The following TPRG1 variants were observed in gnomAD, a reference collection of about 807,000 sequenced individuals.
TPRG1 encodes the protein tumor protein p63-regulated gene 1 protein.
TPRG1 carries 29 observed loss-of-function variants against 29.3 expected under a neutral mutation model. That is an observed-to-expected ratio of 0.99 (90% confidence interval 0.74 to 1.35). The LOEUF (loss-of-function observed/expected upper bound fraction) is 1.35, where lower values mean the gene tolerates loss of function less well. Ranked by LOEUF, TPRG1 falls within the 40% of genes most tolerant of loss-of-function variation. The pLI, the probability that TPRG1 is intolerant of heterozygous loss-of-function variation, is 0.00. For synonymous variants in TPRG1, 130 were observed against 116.8 expected (o/e 1.11, Z -0.73); for missense variants, 327 against 335.0 (o/e 0.98, Z 0.19).
intron 5 of TPRG1, among the ~76,000 whole-genome samples, chr3:189,153,169 C>T (rs1461213487): frequency 2.0e-5 from 3 of 152,166 alleles, no homozygotes; most frequent in Admixed American, 6.5e-5. Context: ...TTACAAATGT[C>T]GTCATCCCTA....
At chr3:189,037,751 C>T (rs1208256652) in intron 4 of TPRG1, among the ~76,000 whole-genome samples, 1 of 151,596 alleles carries the variant, frequency 6.6e-6, no homozygotes, top group African/African-American at 2.4e-5. Context: ...AAGAGTATTT[C>T]TGGATAAAAT....
At chr3:189,291,634 T>C (rs1719017691) in intron 4 of TPRG1, among the ~76,000 whole-genome samples, 2 of 152,244 alleles carry the variant, frequency 1.3e-5, no homozygotes, top group Non-Finnish European at 2.9e-5. Flanking sequence ...GAAGTAGTAT[T>C]GTTATGCTTT....
intron 1 of TPRG1, among the ~76,000 whole-genome samples, chr3:189,188,113 A>G (rs922239031): frequency 4.6e-5 from 7 of 152,232 alleles, no homozygotes; most frequent in Non-Finnish European, 1.0e-4. Flanking sequence ...AAAAGAAAAG[A>G]TAATTGAAAA....
chr3:189,226,366 A>T (rs537952347), intron 3 of TPRG1, among the ~76,000 whole-genome samples: 2 of 151,818 alleles, frequency 1.3e-5, no homozygotes, highest in Admixed American at 6.6e-5. Context: ...AATAAATAAT[A>T]AAAAAAATAG....
intron 4 of TPRG1, among the ~76,000 whole-genome samples, chr3:189,288,835 T>C (rs1718512221): frequency 6.6e-6 from 1 of 152,258 alleles, no homozygotes; most frequent in African/African-American, 2.4e-5. Flanking sequence ...AACCACTGAT[T>C]TGTGCCTAAT....
intron 4 of TPRG1, 158 bp downstream of exon 4, chr3:189,239,067 A>G (rs1017493140): frequency 3.5e-6 from 2 of 566,564 alleles, no homozygotes; most frequent in African/African-American, 3.8e-5. Context: ...TTCCTACTCT[A>G]TGTCAGCCTC....
chr3:189,284,931 T>A (rs1252345319), intron 4 of TPRG1, among the ~76,000 whole-genome samples: 1 of 152,050 alleles, frequency 6.6e-6, no homozygotes, highest in Non-Finnish European at 1.5e-5. Context: ...AAGCCAAAAT[T>A]GACAAATGGG....
chr3:189,053,858 C>T (rs907446643), intron 4 of TPRG1, among the ~76,000 whole-genome samples: 1 of 152,160 alleles, frequency 6.6e-6, no homozygotes, highest in African/African-American at 2.4e-5. Context: ...GATTAGGCTT[C>T]GGCTTAAGGG....
At chr3:189,134,347 T>C (rs1010772844) in intron 3 of TPRG1, among the ~76,000 whole-genome samples, 1 of 151,332 alleles carries the variant, frequency 6.6e-6, no homozygotes, top group African/African-American at 2.4e-5. Flanking sequence ...TTTCACAAAA[T>C]GAACCAATCT....
intron 1 of TPRG1, among the ~76,000 whole-genome samples, chr3:189,190,697 G>C (rs1394293549): frequency 6.6e-6 from 1 of 152,184 alleles, no homozygotes; most frequent in Non-Finnish European, 1.5e-5. Context: ...AAATTGTGTA[G>C]AGTAAGCAGG....
intron 1 of TPRG1, among the ~76,000 whole-genome samples, chr3:189,198,112 A>G (rs1732844788): frequency 6.6e-6 from 1 of 152,150 alleles, no homozygotes; most frequent in Non-Finnish European, 1.5e-5. Flanking sequence ...CAGATCTTCA[A>G]GGGATTGGGT....
intron 5 of TPRG1, among the ~76,000 whole-genome samples, chr3:189,311,684 G>C (rs1052489763): frequency 6.6e-6 from 1 of 152,004 alleles, no homozygotes; most frequent in Non-Finnish European, 1.5e-5. Context: ...ATAGTGTCAC[G>C]GTGTCCCTCA....
chr3:189,134,391 A>G (rs1434602787), intron 3 of TPRG1, among the ~76,000 whole-genome samples: 1 of 147,512 alleles, frequency 6.8e-6, no homozygotes, highest in African/African-American at 2.5e-5. Context: ...AGGAATAAGC[A>G]GTGGGGGTAT....
intron 2 of TPRG1, among the ~76,000 whole-genome samples, chr3:189,209,978 CAT>C (rs140177663): frequency 0.13 from 19,458 of 151,860 alleles, 1,341 homozygotes; most frequent in African/African-American, 0.19. Context: ...CATTCACACA[CAT>C]GAGAACAATG....
intron 3 of TPRG1, among the ~76,000 whole-genome samples, chr3:189,225,887 A>C (rs1359483297): frequency 6.6e-6 from 1 of 152,224 alleles, no homozygotes; most frequent in Non-Finnish European, 1.5e-5. Flanking sequence ...GTGCTAAGTA[A>C]AGAAAATTAA....
At chr3:189,294,292 A>G (rs2109223006) in intron 4 of TPRG1, among the ~76,000 whole-genome samples, 1 of 152,276 alleles carries the variant, frequency 6.6e-6, no homozygotes, top group South Asian at 2.1e-4. Context: ...GGAAGATCCT[A>G]TGGGGAAGTG....
intron 2 of TPRG1, among the ~76,000 whole-genome samples, chr3:189,211,450 C>G (rs915517093): frequency 3.3e-5 from 5 of 152,112 alleles, no homozygotes; most frequent in Non-Finnish European, 2.9e-5. Flanking sequence ...TATTGACCAA[C>G]AAGTCAATTT....
At chr3:189,018,699 G>C (rs1336391699) in intron 3 of TPRG1, among the ~76,000 whole-genome samples, 1 of 151,854 alleles carries the variant, frequency 6.6e-6, no homozygotes, top group South Asian at 2.1e-4. Context: ...GCTTAGGATT[G>C]ACTTGGCATT....
chr3:189,268,923 G>T (rs755665568), intron 4 of TPRG1, among the ~76,000 whole-genome samples: 4 of 152,112 alleles, frequency 2.6e-5, no homozygotes, highest in Non-Finnish European at 4.4e-5. Flanking sequence ...AACATTGAAT[G>T]TTGGCTTTTC....
Sources: allele counts gnomAD v4.1 joint callset (sites outside exome capture counted in the v4.1 genomes callset), GRCh38; gene constraint gnomAD v4.1.1; transcripts MANE v1.5; gene names NCBI Gene and HGNC (gene_info 2026-07-23, HGNC 2026-07-21).